DCDC1: variants seen among roughly 807,000 people sequenced by gnomAD.
The protein encoded by DCDC1 is doublecortin domain-containing protein 1.
Under a neutral mutation model 178.3 loss-of-function variants are expected in DCDC1, and 200 were observed. That is an observed-to-expected ratio of 1.12 (90% CI 1.00 to 1.26). The LOEUF (loss-of-function observed/expected upper bound fraction) is 1.26, where lower values mean the gene tolerates loss of function less well. Ranked by LOEUF, DCDC1 falls within the 50% of genes most tolerant of loss-of-function variation. DCDC1 has a pLI of 0.00. For missense variants in DCDC1, 1,983 were observed against 1,749.2 expected, an observed-to-expected ratio of 1.13 and a Z score of -2.38; for synonymous variants, 690 against 604.8, an observed-to-expected ratio of 1.14 and a Z score of -2.07.
At chr11:31,040,498 C>G (rs1209731781) in intron 20 of DCDC1, among the ~76,000 whole-genome samples, 1 of 152,098 alleles carries the variant, frequency 6.6e-6, no homozygotes, top group Non-Finnish European at 1.5e-5. Context: ...CTTCTGGATC[C>G]CAAGATTGAA....
intron 1 of DCDC1, among the ~76,000 whole-genome samples, chr11:31,353,633 C>T (rs764445382): frequency 1.3e-5 from 2 of 152,192 alleles, no homozygotes; most frequent in Non-Finnish European, 2.9e-5. Flanking sequence ...TTTTCTTAAA[C>T]GCCTTATTCT....
intron 8 of DCDC1, among the ~76,000 whole-genome samples, chr11:31,263,522 T>A (rs1383037623): frequency 2.0e-5 from 3 of 152,166 alleles, no homozygotes; most frequent in Non-Finnish European, 4.4e-5. Context: ...GATAAAAACA[T>A]GTAATAAAAT....
intron 9 of DCDC1, among the ~76,000 whole-genome samples, chr11:31,158,906 T>C (rs1591262126): frequency 6.6e-6 from 1 of 151,696 alleles, no homozygotes; most frequent in South Asian, 2.1e-4. Flanking sequence ...TTTTATATAT[T>C]CCCCCCAAAT....
intron 8 of DCDC1, among the ~76,000 whole-genome samples, chr11:31,255,678 T>C (rs549751051): frequency 3.1e-4 from 47 of 152,230 alleles, no homozygotes; most frequent in Non-Finnish European, 5.1e-4. Flanking sequence ...TTGAATTGTT[T>C]GTATTTTGTT....
At chr11:30,873,364 T>TAG (rs3076153) in intron 38 of DCDC1, among the ~76,000 whole-genome samples, 1,662 of 137,036 alleles carry the variant, frequency 0.012, 17 homozygotes, top group African/African-American at 0.033. Context: ...TATATATATA[T>TAG]AGAGAGAGAG....
chr11:31,214,153 A>G (rs1284446861), intron 9 of DCDC1, among the ~76,000 whole-genome samples: 2 of 152,184 alleles, frequency 1.3e-5, no homozygotes, highest in Admixed American at 1.3e-4. Context: ...AGGTGACCAC[A>G]TGGGGCCTTG....
At chr11:30,992,544 T>G (rs1951046571) in intron 20 of DCDC1, 1 of 152,172 alleles carries the variant, frequency 6.6e-6, no homozygotes, top group African/African-American at 2.4e-5. Context: ...TTCCAAGTAT[T>G]ACCCCGTTAT....
intron 11 of DCDC1, among the ~76,000 whole-genome samples, chr11:31,123,052 A>T (rs1323585790): frequency 6.6e-6 from 1 of 152,108 alleles, no homozygotes; most frequent in Non-Finnish European, 1.5e-5. Context: ...AGGTGTCACT[A>T]TATTCCAGTA....
In DCDC1 at chr11:30,922,596, A is replaced by G. The variant is rs1276444142; in HGVS notation, c.3040T>C (p.Ser1014Pro). ...ATTTGTTTCTTTTGCTGAGCAATGG[A>G]CAGGTCAGGATTGATCCAGAGTTCT... ...CGELWINPDLSIAQQKKQIFL... is the reference protein window; with the variant it reads ...CGELWINPDLPIAQQKKQIFL... Residue 1014 changes from serine (S) to proline (P), a missense_variant, in exon 24 of 39, where the codon TCC (serine) becomes CCC (proline). Coordinates refer to ENST00000684477, the MANE Select transcript of DCDC1 (RefSeq NM_001387274.1). 1.3e-6 allele frequency: 2 copies of G among 1,586,158 alleles called. No homozygotes were observed. The highest frequency in any genetic ancestry group is 8.5e-7 in the Non-Finnish European group (1 of 1,170,150).
Position 31,328,297 on chromosome 11 carries a change from TAAAG to T in DCDC1, c.-6-15_-6-12del, listed in dbSNP as rs1197641311. On this transcript the variant is annotated splice_polypyrimidine_tract_variant and intron_variant, in intron 2 of 38. Transcript: ENST00000684477. ...TTTTGCCATTTTCAGCTAAAAATGA[TAAAG>T]AATGTTATTTAATTTTAAATGTAAA... 2 of 1,548,150 alleles carry T rather than the reference TAAAG, an allele frequency of 1.3e-6. No individual in the cohort carries two copies. Among genetic ancestry groups the T allele is most frequent in the Admixed American group, 3.9e-5 (2 of 51,324 alleles).
At chr11:30,922,009 G>T (rs1429131900) in intron 24 of DCDC1, among the ~76,000 whole-genome samples, 1 of 152,104 alleles carries the variant, frequency 6.6e-6, no homozygotes, top group Non-Finnish European at 1.5e-5. Flanking sequence ...GCTGAATCAG[G>T]GAGGTAGCAC....
At chr11:30,873,346 T>C (rs1215485121) in intron 38 of DCDC1, among the ~76,000 whole-genome samples, 1 of 81,738 alleles carries the variant, frequency 1.2e-5, no homozygotes, top group Non-Finnish European at 2.8e-5. Context: ...TGTATATACA[T>C]ATATATATAT....
intron 37 of DCDC1, among the ~76,000 whole-genome samples, chr11:30,878,913 G>A (rs1266799825): frequency 1.3e-5 from 2 of 152,138 alleles, no homozygotes; most frequent in Non-Finnish European, 2.9e-5. Flanking sequence ...GAAGTTGCTA[G>A]AGAGGACTTC....
At chr11:30,939,088 C>T (rs1430780543) in intron 21 of DCDC1, among the ~76,000 whole-genome samples, 1 of 152,164 alleles carries the variant, frequency 6.6e-6, no homozygotes, top group African/African-American at 2.4e-5. Context: ...CACACATACT[C>T]GACCTCTGAA....
At chr11:30,954,581 A>G (rs1948656268) in intron 20 of DCDC1, among the ~76,000 whole-genome samples, 1 of 152,250 alleles carries the variant, frequency 6.6e-6, no homozygotes, top group Non-Finnish European at 1.5e-5. Flanking sequence ...AAGATGTAAA[A>G]TTCCTAAATC....
intron 1 of DCDC1, among the ~76,000 whole-genome samples, chr11:31,361,251 T>C (rs1054434061): frequency 1.3e-5 from 2 of 152,098 alleles, no homozygotes; most frequent in Non-Finnish European, 2.9e-5. Context: ...ACCTTCTTCA[T>C]AAATAAAGAT....
intron 23 of DCDC1, among the ~76,000 whole-genome samples, chr11:30,924,749 T>A (rs1946488827): frequency 6.6e-6 from 1 of 152,104 alleles, no homozygotes; most frequent in Non-Finnish European, 1.5e-5. Context: ...TTCCTTAATT[T>A]CTAGAGTCTA....
At chr11:31,182,872 C>G (rs1043529812) in intron 9 of DCDC1, among the ~76,000 whole-genome samples, 1 of 151,646 alleles carries the variant, frequency 6.6e-6, no homozygotes, top group Non-Finnish European at 1.5e-5. Flanking sequence ...TGTGCAAAGA[C>G]ACAAATAGGC....
intron 20 of DCDC1, among the ~76,000 whole-genome samples, chr11:31,034,632 G>C (rs1953902751): frequency 6.6e-6 from 1 of 152,178 alleles, no homozygotes; most frequent in Non-Finnish European, 1.5e-5. Context: ...TGTAGCCTAA[G>C]AGCAATAGGC....
Sources: allele counts gnomAD v4.1 joint callset (sites outside exome capture counted in the v4.1 genomes callset), GRCh38; gene constraint gnomAD v4.1.1; transcripts MANE v1.5; gene names NCBI Gene and HGNC (gene_info 2026-07-23, HGNC 2026-07-21).